Variants in CASK observed in about 807,000 individuals in gnomAD.
The protein encoded by CASK is peripheral plasma membrane protein CASK.
Under a neutral mutation model 82.9 loss-of-function variants are expected in CASK, and 4 were observed. The observed-to-expected ratio is 0.05, with a 90% CI of 0.02 to 0.11. The LOEUF (loss-of-function observed/expected upper bound fraction) is 0.11. Among genes scored for constraint, CASK ranks in the 10% least tolerant of loss-of-function variants. The probability of loss-of-function intolerance (pLI) is 1.00; values close to 1 mark genes in which losing one functional copy is unlikely to be tolerated. For missense variants in CASK, 358 were observed against 720.9 expected, an observed-to-expected ratio of 0.50 and a Z score of 5.76; for synonymous variants, 259 against 253.5, an observed-to-expected ratio of 1.02 and a Z score of -0.20.
chrX:41,531,326 A>G, intron 24 of CASK, 117 bp from the exon 25 acceptor site: 1 of 610,556 alleles, frequency 1.6e-6, no homozygotes, highest in Non-Finnish European at 2.8e-6. Flanking sequence ...TTTAGCGTAT[A>G]TCTCATATCC....
At chrX:41,843,742 G>T (rs905998838) in intron 2 of CASK, among the ~76,000 whole-genome samples, 4 of 110,729 alleles carry the variant, frequency 3.6e-5, no homozygotes, top group African/African-American at 1.3e-4. Flanking sequence ...CCTTCTGATA[G>T]ATTTGCCTAT....
At chrX:41,691,158 A>G (rs761614992) in intron 5 of CASK, among the ~76,000 whole-genome samples, 3 of 112,225 alleles carry the variant, frequency 2.7e-5, no homozygotes, top group Admixed American at 1.9e-4. Flanking sequence ...TGCAGATTAG[A>G]GCTGAGGCAA....
intron 14 of CASK, chrX:41,584,309 G>A (rs751061874): frequency 8.9e-6 from 1 of 112,613 alleles, no homozygotes; most frequent in African/African-American, 3.2e-5. Flanking sequence ...CCACGAGGTT[G>A]ACTCAGAGTC....
chrX:41,816,176 G>GA (rs2070407195), intron 2 of CASK, among the ~76,000 whole-genome samples: 1 of 111,423 alleles, frequency 9.0e-6, no homozygotes, highest in African/African-American at 3.3e-5. Flanking sequence ...TTTTAATTCA[G>GA]AAAAAAGGAT....
intron 5 of CASK, among the ~76,000 whole-genome samples, chrX:41,710,507 C>T (rs1414998976): frequency 8.9e-6 from 1 of 111,764 alleles, no homozygotes; most frequent in Admixed American, 9.5e-5. Flanking sequence ...CACACTCAAG[C>T]TTATATGAAA....
At chrX:41,901,147 G>A (rs191602528) in intron 1 of CASK, among the ~76,000 whole-genome samples, 1 of 111,791 alleles carries the variant, frequency 8.9e-6, no homozygotes, top group African/African-American at 3.3e-5. Context: ...CCTGATTATC[G>A]GTGATCCTTG....
chrX:41,648,572 C>T (rs1198057173), intron 8 of CASK, among the ~76,000 whole-genome samples: 1 of 111,488 alleles, frequency 9.0e-6, no homozygotes. Context: ...TGTGACGTCT[C>T]CCCTGGATGC....
At position 41,727,288 on chromosome X, in the gene CASK, T is replaced by C. The variant is rs376637557; in HGVS notation, c.429+12096A>G. 1.1e-5 allele frequency: 13 copies of C among 1,207,195 alleles called. No individual in the cohort carries two copies. In the African/African-American group the frequency reaches 2.1e-4, roughly 19 times the overall value. Reference sequence around the variant, plus strand: ...CCAATGGGAATATCAATCTGCTCAATGCAGAGTGGTCAATTTTCTGGGAAC... The same window carrying C: ...CCAATGGGAATATCAATCTGCTCAACGCAGAGTGGTCAATTTTCTGGGAAC... On this transcript the variant is annotated intron_variant, in intron 5 of 26. Coordinates refer to ENST00000378163, the MANE Select transcript of CASK (RefSeq NM_001367721.1).
intron 21 of CASK, among the ~76,000 whole-genome samples, chrX:41,549,244 T>A (rs1178117302): frequency 1.8e-5 from 2 of 111,676 alleles, no homozygotes; most frequent in Non-Finnish European, 1.9e-5. Flanking sequence ...TCTTTCTTGT[T>A]AGTATTGGAT....
At chrX:41,828,448 T>G (rs1323764997) in intron 2 of CASK, among the ~76,000 whole-genome samples, 1 of 111,627 alleles carries the variant, frequency 9.0e-6, no homozygotes, top group Non-Finnish European at 1.9e-5. Flanking sequence ...AACTTGGTAG[T>G]ATTTTCATTC....
intron 1 of CASK, among the ~76,000 whole-genome samples, chrX:41,912,229 T>C (rs1251630204): frequency 2.7e-5 from 3 of 109,266 alleles, no homozygotes; most frequent in Non-Finnish European, 5.7e-5. Context: ...TTTAAGACAG[T>C]GTCTTGCTCT....
intron 2 of CASK, among the ~76,000 whole-genome samples, chrX:41,804,075 C>T (rs1268765554): frequency 5.4e-5 from 6 of 111,638 alleles, no homozygotes; most frequent in African/African-American, 2.0e-4. Flanking sequence ...TGGCCAGGCG[C>T]GGTGACTCAT....
At chrX:41,706,586 G>A (rs2067889220) in intron 5 of CASK, among the ~76,000 whole-genome samples, 1 of 111,862 alleles carries the variant, frequency 8.9e-6, no homozygotes, top group Non-Finnish European at 1.9e-5. Context: ...AAAGGGAGAG[G>A]ATTTATAGAA....
intron 1 of CASK, among the ~76,000 whole-genome samples, chrX:41,879,054 A>C (rs1462121004): frequency 2.7e-5 from 3 of 111,729 alleles, no homozygotes; most frequent in Non-Finnish European, 5.7e-5. Context: ...AGGACAGAAT[A>C]GATCTTAAGG....
At chrX:41,740,723 C>T (rs1188318120) in intron 4 of CASK, among the ~76,000 whole-genome samples, 1 of 112,375 alleles carries the variant, frequency 8.9e-6, no homozygotes, top group South Asian at 3.6e-4. Context: ...GTACTAATCA[C>T]AGGCTCCTTA....
At chrX:41,764,426 C>G (rs1302644480) in intron 3 of CASK, among the ~76,000 whole-genome samples, 2 of 111,275 alleles carry the variant, frequency 1.8e-5, no homozygotes, top group African/African-American at 6.5e-5. Flanking sequence ...TACCCAAGAT[C>G]TCTCTCTGTG....
rs183585598 is a variant in CASK, at chrX:41,544,170, C to T, written c.2040-1364G>A. 5.5e-3 allele frequency among the ~76,000 whole-genome samples: 622 copies of T among 112,189 alleles called. 5 individuals are homozygous for T. Among genetic ancestry groups the T allele is most frequent in the African/African-American group, 0.019 (595 of 30,901 alleles). On this transcript the variant is annotated intron_variant, in intron 21 of 26. Transcript: ENST00000378163. ...TATCTTCTTCTACTCTGTGGTTTGC[C>T]TTTTTGCTCTCTTTATGGTATCAAT...
intron 2 of CASK, among the ~76,000 whole-genome samples, chrX:41,797,827 C>A (rs762823475): frequency 1.8e-5 from 2 of 111,506 alleles, no homozygotes; most frequent in East Asian, 5.7e-4. Flanking sequence ...ACTAAAAATG[C>A]CAAAACTTCA....
intron 11 of CASK, among the ~76,000 whole-genome samples, chrX:41,619,172 T>A (rs1248144385): frequency 8.9e-6 from 1 of 111,744 alleles, no homozygotes; most frequent in Non-Finnish European, 1.9e-5. Flanking sequence ...GGTTTTTTCC[T>A]AGCCCTTGGT....
Sources: allele counts gnomAD v4.1 joint callset (sites outside exome capture counted in the v4.1 genomes callset), GRCh38; gene constraint gnomAD v4.1.1; transcripts MANE v1.5; gene names NCBI Gene and HGNC (gene_info 2026-07-23, HGNC 2026-07-21).